Variants in ACO1 observed in about 807,000 individuals in gnomAD.
ACO1 encodes aconitase 1.
In ACO1, 78 loss-of-function variants were observed where a neutral mutation model predicts 105.1. The observed-to-expected ratio is 0.74, with a 90% confidence interval of 0.62 to 0.90. The LOEUF is 0.90. Ranked by LOEUF, ACO1 falls within the 40% of genes least tolerant of loss-of-function variation. ACO1 has a pLI of 0.00. For missense variants in ACO1, 965 were observed against 1,111.1 expected (o/e 0.87, Z 1.87); for synonymous variants, 364 against 397.4 (o/e 0.92, Z 1.00).
chr9:32,422,560 C>A (rs966821573), intron 8 of ACO1, among the ~76,000 whole-genome samples: 2 of 152,140 alleles, frequency 1.3e-5, no homozygotes, highest in African/African-American at 4.8e-5. Context: ...ACTGCATGTC[C>A]GTTGGGCATA....
rs182124060 is a variant in ACO1 at position 32,450,896 on chromosome 9, G to C, written c.*785G>C. The stretch of plus-strand genomic sequence containing the variant: ...AGAGTTTTGGGATATTTAGTACAGA[G>C]TGAATCTCACACCATATCATTGGGA... On this transcript the variant is annotated 3_prime_UTR_variant, in exon 21 of 21. Transcript: ENST00000309951. 2.5e-4 allele frequency: 36 copies of C among 146,924 alleles called. No individual in the cohort carries two copies. The highest frequency in any genetic ancestry group is 8.4e-4 in the African/African-American group (31 of 37,002). 9.1% of individuals were successfully genotyped at this position (146,924 alleles called of 1,614,324 possible). A position where few individuals can be genotyped will look rare whatever the true frequency, so the allele number is the denominator to read the frequency against.
intron 19 of ACO1, among the ~76,000 whole-genome samples, chr9:32,446,269 G>C (rs1822605228): frequency 1.3e-5 from 2 of 151,922 alleles, no homozygotes; most frequent in Admixed American, 1.3e-4. Context: ...CTAAGAACTT[G>C]CTTTATGTAT....
rs141904989 is a variant in ACO1 at position 32,449,964 on chromosome 9, C to A, written c.2557-34C>A. 2.5e-5 allele frequency: 40 copies of A among 1,572,366 alleles called. No individual in the cohort carries two copies. The Middle Eastern group carries it at 7.1e-4, about 28-fold the overall frequency. On this transcript the variant is annotated intron_variant, in intron 20 of 20. Transcript: ENST00000309951. ...TCCGAGCAGAGCTGTCTCGCCACCT[C>A]CCTCAATGATGCTTCTGTTTCTTTG...
At chr9:32,420,372 AAGAG>A (rs1443726448) in intron 7 of ACO1, among the ~76,000 whole-genome samples, 9 of 152,390 alleles carry the variant, frequency 5.9e-5, no homozygotes, top group African/African-American at 2.2e-4. Flanking sequence ...TCATTAGAGA[AAGAG>A]AATGTTTCTC....
rs772720976 is a variant in ACO1, at chr9:32,420,895, T to C, written c.838T>C (p.Phe280Leu). ...QVGVVGKFVE[F>L]FGPGVAQLSI... Reference sequence around the variant, plus strand: ...TGGGGTAGTGGGCAAATTTGTCGAGTTCTTCGGGCCTGGAGTAGCCCAGTT... The same window carrying C: ...TGGGGTAGTGGGCAAATTTGTCGAGCTCTTCGGGCCTGGAGTAGCCCAGTT... The change falls in exon 8 of 21, where the codon TTC becomes CTC. Residue 280 changes from phenylalanine (F) to leucine (L), a missense_variant. Transcript: ENST00000309951. 1.1e-5 allele frequency: 18 copies of C among 1,613,842 alleles called. No individual in the cohort carries two copies. Among genetic ancestry groups the C allele is most frequent in the Middle Eastern group, 3.3e-4 (2 of 6,074 alleles).
chr9:32,452,973 C>T lies in ACO1; in HGVS notation c.*2862C>T, dbSNP rs1445177280. Reference sequence around the variant, plus strand: ...TATCAATCAATCACCACCCCCCCCCCCCCCAAAAAAAAAAGTATCTTGGCC... The same window carrying T: ...TATCAATCAATCACCACCCCCCCCCTCCCCAAAAAAAAAAGTATCTTGGCC... On this transcript the variant is annotated 3_prime_UTR_variant, in exon 21 of 21. Transcript: ENST00000309951. The T allele has an allele frequency of 9.8e-6, 1 of 102,424 alleles. No individual in the cohort carries two copies. The highest frequency in any genetic ancestry group is 2.5e-4 in the East Asian group (1 of 4,020). The allele number at this position is 102,424 out of a possible 1,614,324, so 6.3% of individuals were successfully genotyped here.
At position 32,419,170 on chromosome 9, in the gene ACO1, T is replaced by C. The variant is rs1449080635; in HGVS notation, c.791T>C (p.Ile264Thr). Reference protein sequence around the residue: ...LVTSTDIVLTITKHLRQVGVV... With the variant: ...LVTSTDIVLTTTKHLRQVGVV... ...ACATCCACTGACATCGTGCTCACCA[T>C]TACCAAGGTAACAATGTGCATCCTC... is the stretch of plus-strand genomic sequence containing the variant. The change falls in exon 7 of 21, where the codon ATT becomes ACT. Residue 264 changes from isoleucine (I) to threonine (T), a missense_variant. Ile to Thr is a moderately conservative substitution (Grantham distance 89). Coordinates refer to ENST00000309951, the MANE Select transcript of ACO1 (RefSeq NM_002197.3). 1 of 1,586,166 alleles carries C rather than the reference T, an allele frequency of 6.3e-7. No homozygotes were observed. Among genetic ancestry groups the C allele is most frequent in the South Asian group, 1.2e-5 (1 of 86,818 alleles).
intron 1 of ACO1, among the ~76,000 whole-genome samples, chr9:32,388,723 G>A (rs1213286989): frequency 2.6e-5 from 4 of 152,224 alleles, no homozygotes; most frequent in Non-Finnish European, 2.9e-5. Context: ...GTTCTGGGCA[G>A]TGGAATGAGG....
intron 19 of ACO1, among the ~76,000 whole-genome samples, chr9:32,441,952 G>C (rs1005489299): frequency 9.9e-5 from 15 of 152,070 alleles, no homozygotes; most frequent in African/African-American, 3.4e-4. Flanking sequence ...ACATGAATAG[G>C]GTGTGTTTAG....
chr9:32,430,311 G>A (rs1822197057), intron 13 of ACO1, 107 bp from the exon 14 acceptor site: 4 of 1,179,160 alleles, frequency 3.4e-6, no homozygotes, highest in Non-Finnish European at 4.7e-6. Flanking sequence ...TGAAAGGGCA[G>A]CTTAAAGGAC....
At chr9:32,431,423 G>T (rs973962448) in intron 14 of ACO1, among the ~76,000 whole-genome samples, 1 of 152,216 alleles carries the variant, frequency 6.6e-6, no homozygotes, top group African/African-American at 2.4e-5. Context: ...ACTGTGATGC[G>T]TACTGTGTTT....
chr9:32,444,745 T>C (rs1822561429), intron 19 of ACO1, among the ~76,000 whole-genome samples: 1 of 152,230 alleles, frequency 6.6e-6, no homozygotes, highest in Admixed American at 6.5e-5. Context: ...TGATATTGAC[T>C]GTGGGTTTGT....
chr9:32,401,419 G>A (rs1821493955), intron 1 of ACO1, among the ~76,000 whole-genome samples: 1 of 149,364 alleles, frequency 6.7e-6, no homozygotes. Flanking sequence ...TCCCACTAAT[G>A]AGTCCTGTGA....
intron 19 of ACO1, among the ~76,000 whole-genome samples, chr9:32,447,253 T>C (rs1822634876): frequency 6.6e-6 from 1 of 152,208 alleles, no homozygotes; most frequent in South Asian, 2.1e-4. Context: ...TCTTGGAGGC[T>C]TTCTCTGTTT....
intron 13 of ACO1, among the ~76,000 whole-genome samples, chr9:32,430,075 G>A (rs368687288): frequency 2.4e-4 from 36 of 152,250 alleles, no homozygotes; most frequent in East Asian, 9.6e-4. Context: ...TAGAATCTAC[G>A]TATTCTATAA....
At position 32,409,830 on chromosome 9, in the gene ACO1, T is replaced by TA. The variant is rs879514002; in HGVS notation, c.404+1192dup. ...GGGTGACAGAGCGAGACCTTGTCTT[T>TA]AAAAAAAAAAAAATCTTAATAAAAT... is the stretch of plus-strand genomic sequence containing the variant. On this transcript the variant is annotated intron_variant, in intron 4 of 20. Coordinates refer to ENST00000309951, the MANE Select transcript of ACO1 (RefSeq NM_002197.3). Among the ~76,000 whole-genome samples, 172 of 147,428 alleles carry TA rather than the reference T, an allele frequency of 1.2e-3. 2 individuals carry two copies. The highest frequency in any genetic ancestry group is 5.8e-3 in the South Asian group (27 of 4,620).
intron 4 of ACO1, among the ~76,000 whole-genome samples, chr9:32,414,776 C>T (rs1464185420): frequency 6.6e-6 from 1 of 152,084 alleles, no homozygotes. Context: ...TATAATCTTA[C>T]CTGTAGTGGT....
chr9:32,431,614 G>C, intron 14 of ACO1, 105 bp from the exon 15 acceptor site: 1 of 1,254,128 alleles, frequency 8.0e-7, no homozygotes, highest in Non-Finnish European at 1.1e-6. Context: ...GTGTTCACAC[G>C]GGCTTTATAG....
chr9:32,428,898 A>C (rs916566440), intron 12 of ACO1, among the ~76,000 whole-genome samples: 5 of 152,208 alleles, frequency 3.3e-5, no homozygotes, highest in African/African-American at 1.2e-4. Context: ...ATAAACAAGA[A>C]ATGCCTTGCA....
Sources: gnomAD v4.1 joint callset for allele counts (sites outside exome capture counted in the v4.1 genomes callset) on GRCh38, gnomAD v4.1.1 for gene constraint, MANE v1.5 for transcripts, NCBI Gene and HGNC (gene_info 2026-07-23, HGNC 2026-07-21) for gene names.